The following IFT81 variants were observed in gnomAD, a reference collection of about 807,000 sequenced individuals.
The protein encoded by IFT81 is intraflagellar transport 81.
A neutral mutation model predicts 102.6 loss-of-function variants in IFT81; 72 were observed. The ratio of observed to expected loss-of-function variants is 0.70; its 90% CI spans 0.58 to 0.85. IFT81 has a LOEUF of 0.85. Ranked by LOEUF, IFT81 falls within the 40% of genes least tolerant of loss-of-function variation. The pLI is 0.00. For missense variants in IFT81, 723 were observed against 787.3 expected (o/e 0.92, Z 0.98); for synonymous variants, 237 against 242.7 (o/e 0.98, Z 0.22).
rs115764417 is a variant in IFT81 at position 110,129,697 on chromosome 12, G to A, written c.429+567G>A. ...TGCCAAGGTTTTGGAGTAACATTGG[G>A]CTCTGGCATAAGGTCTTAAAGCTCT... On this transcript the variant is annotated intron_variant, in intron 4 of 18. Coordinates refer to ENST00000242591, the MANE Select transcript of IFT81 (RefSeq NM_014055.4). 4.2e-3 allele frequency among the ~76,000 whole-genome samples: 641 copies of A among 152,208 alleles called. 8 individuals carry two copies. The highest frequency in any genetic ancestry group is 0.014 in the African/African-American group (583 of 41,544).
intron 10 of IFT81, among the ~76,000 whole-genome samples, chr12:110,161,245 A>G (rs764795678): frequency 4.6e-5 from 7 of 151,018 alleles, no homozygotes; most frequent in South Asian, 2.1e-4. Context: ...GGTTCAAGGA[A>G]TTCTCCTGCC....
intron 10 of IFT81, among the ~76,000 whole-genome samples, chr12:110,149,021 C>T (rs1226480132): frequency 1.3e-5 from 2 of 152,112 alleles, no homozygotes; most frequent in Non-Finnish European, 2.9e-5. Flanking sequence ...AAACAGTATC[C>T]TTAATGATGC....
At chr12:110,138,701 A>G (rs969291230) in intron 8 of IFT81, among the ~76,000 whole-genome samples, 2 of 152,154 alleles carry the variant, frequency 1.3e-5, no homozygotes, top group Non-Finnish European at 2.9e-5. Context: ...CCAAAGTGTT[A>G]GGATTATAGG....
At chr12:110,216,221 C>T (rs530040902) in intron 18 of IFT81, among the ~76,000 whole-genome samples, 59 of 152,154 alleles carry the variant, frequency 3.9e-4, no homozygotes, top group Non-Finnish European at 7.5e-4. Context: ...GACAGGATCT[C>T]GCTCTGTTGC....
chr12:110,217,956 G>A (rs1435492446), intron 18 of IFT81, 88 bp from the exon 19 acceptor site: 11 of 898,216 alleles, frequency 1.2e-5, no homozygotes, highest in Non-Finnish European at 1.7e-5. Context: ...ATCTACTGTA[G>A]AAAACATACC....
Position 110,162,995 on chromosome 12 carries a change from A to G in IFT81, c.1118A>G (p.Glu373Gly). The G allele has an allele frequency of 6.2e-7, 1 of 1,614,040 alleles. No individual in the cohort carries two copies. The highest frequency in any genetic ancestry group is 1.1e-5 in the South Asian group (1 of 91,084). ...GCCAAGGAGAAGTTAGCCAGCCTAG[A>G]GAGAGAAGCATCAGTAAAGAGAAAT... ...QEAKEKLASLEREASVKRNQT... is the reference protein window; with the variant it reads ...QEAKEKLASLGREASVKRNQT... The change falls in exon 11 of 19, where the codon GAG (glutamate) becomes GGG (glycine). Residue 373 changes from glutamate to glycine, a missense_variant. Physicochemically the swap from Glu to Gly is moderately conservative, Grantham distance 98. Transcript: ENST00000242591.
At chr12:110,172,803 C>T (rs369681765) in intron 11 of IFT81, among the ~76,000 whole-genome samples, 3 of 152,016 alleles carry the variant, frequency 2.0e-5, no homozygotes, top group African/African-American at 4.8e-5. Flanking sequence ...TCTGCCCGGC[C>T]GCCACCCCGT....
intron 10 of IFT81, among the ~76,000 whole-genome samples, chr12:110,148,323 C>T (rs373880539): frequency 1.3e-5 from 2 of 151,608 alleles, no homozygotes; most frequent in South Asian, 4.2e-4. Flanking sequence ...GGCAAGAAAA[C>T]TTTCTAGGTG....
At chr12:110,166,662 G>C (rs1414421940) in intron 11 of IFT81, among the ~76,000 whole-genome samples, 1 of 151,426 alleles carries the variant, frequency 6.6e-6, no homozygotes, top group African/African-American at 2.4e-5. Context: ...GCATGTAAGA[G>C]ACTATTGCCA....
intron 11 of IFT81, chr12:110,169,037 CTT>C (rs1896600312): frequency 2.2e-5 from 3 of 139,492 alleles, no homozygotes; most frequent in Non-Finnish European, 4.6e-5. Context: ...TCCTTCCTTC[CTT>C]CCTTCCTTCC....
chr12:110,163,455 G>T (rs927187573), intron 11 of IFT81, among the ~76,000 whole-genome samples: 1 of 152,062 alleles, frequency 6.6e-6, no homozygotes, highest in Non-Finnish European at 1.5e-5. Flanking sequence ...TGGCCAGGCT[G>T]CTCTTGAACT....
Position 110,192,673 on chromosome 12 carries a change from A to G in IFT81, c.1524A>G (p.Ile508Met). 2 of 1,592,000 alleles carry G rather than the reference A, an allele frequency of 1.3e-6. No homozygotes were observed. Among genetic ancestry groups the G allele is most frequent in the Non-Finnish European group, 1.7e-6 (2 of 1,169,552 alleles). Residue 508 changes from isoleucine (I) to methionine (M), a missense_variant, in exon 14 of 19, where the codon ATA (isoleucine) becomes ATG (methionine). By Grantham distance (10) the Ile-to-Met change is conservative. Transcript: ENST00000242591. ...SEKKSALASV[I>M]KELRQLRQKY... ...AGAAGTCAGCTCTTGCCTCAGTTAT[A>G]AAAGAGCTACGACAGTTGCGTCAAA...
At chr12:110,177,858 G>T (rs915182272) in intron 11 of IFT81, among the ~76,000 whole-genome samples, 1 of 152,148 alleles carries the variant, frequency 6.6e-6, no homozygotes, top group Non-Finnish European at 1.5e-5. Context: ...ACTTTGGGAG[G>T]CCAAGGTGGG....
chr12:110,141,691 C>T (rs1158237780), intron 8 of IFT81, among the ~76,000 whole-genome samples: 2 of 151,984 alleles, frequency 1.3e-5, no homozygotes, highest in Admixed American at 1.3e-4. Flanking sequence ...ACCAGCCTGG[C>T]CTTAACATGG....
chr12:110,194,712 G>T (rs1424242845), intron 14 of IFT81, among the ~76,000 whole-genome samples: 2 of 152,102 alleles, frequency 1.3e-5, no homozygotes, highest in African/African-American at 4.8e-5. Flanking sequence ...TTAAGGAAAA[G>T]AATAAAAATT....
chr12:110,160,230 C>G (rs73205077), intron 10 of IFT81, among the ~76,000 whole-genome samples: 1 of 152,168 alleles, frequency 6.6e-6, no homozygotes, highest in African/African-American at 2.4e-5. Flanking sequence ...CACACAGTTA[C>G]AAGGCAAAGT....
intron 10 of IFT81, among the ~76,000 whole-genome samples, chr12:110,151,579 A>G (rs1022947693): frequency 6.6e-6 from 1 of 152,184 alleles, no homozygotes; most frequent in African/African-American, 2.4e-5. Flanking sequence ...ATGGTATACA[A>G]CATGATGTTT....
At chr12:110,183,825 GT>G (rs1241980218) in intron 12 of IFT81, among the ~76,000 whole-genome samples, 1 of 152,122 alleles carries the variant, frequency 6.6e-6, no homozygotes, top group Non-Finnish European at 1.5e-5. Context: ...TCTCAAGTGG[GT>G]CTATCCAGAT....
chr12:110,161,960 G>A (rs149428135), intron 10 of IFT81, among the ~76,000 whole-genome samples: 101 of 152,278 alleles, frequency 6.6e-4, no homozygotes, highest in African/African-American at 2.3e-3. Flanking sequence ...AACTAGTACA[G>A]CTATGGTTCG....
Sources: allele counts gnomAD v4.1 joint callset (sites outside exome capture counted in the v4.1 genomes callset), GRCh38; gene constraint gnomAD v4.1.1; transcripts MANE v1.5; gene names NCBI Gene and HGNC (gene_info 2026-07-23, HGNC 2026-07-21).